The following ULK1 variants were observed in gnomAD, a reference collection of about 807,000 sequenced individuals.
The protein encoded by ULK1 is unc-51 like autophagy activating kinase 1.
ULK1 carries 48 observed loss-of-function variants against 117.5 expected under a neutral mutation model. That is an observed-to-expected ratio of 0.41 (90% CI 0.32 to 0.52). The LOEUF (loss-of-function observed/expected upper bound fraction) is 0.52, where lower values mean the gene tolerates loss of function less well. ULK1 is among the 20% of genes least tolerant of loss of function. The probability of loss-of-function intolerance (pLI) is 0.29; values close to 1 mark genes in which losing one functional copy is unlikely to be tolerated. For synonymous variants in ULK1, 790 were observed against 637.8 expected, an observed-to-expected ratio of 1.24 and a Z score of -3.60; for missense variants, 1,387 against 1,473.4, an observed-to-expected ratio of 0.94 and a Z score of 0.96.
chr12:131,917,844 T>C (rs1889932777), intron 22 of ULK1, among the ~76,000 whole-genome samples: 1 of 152,206 alleles, frequency 6.6e-6, no homozygotes, highest in African/African-American at 2.4e-5. Flanking sequence ...GGTGTCTGGA[T>C]CATGGCCTCC....
intron 3 of ULK1, chr12:131,897,873 TG>T (rs2136376819): frequency 6.6e-6 from 1 of 152,408 alleles, no homozygotes; most frequent in South Asian, 2.1e-4. Flanking sequence ...CGTTCCAGCC[TG>T]GGCAGCAGAG....
intron 3 of ULK1, among the ~76,000 whole-genome samples, chr12:131,901,195 C>G (rs1338069260): frequency 2.0e-5 from 3 of 151,886 alleles, no homozygotes; most frequent in Non-Finnish European, 4.4e-5. Context: ...CCCATCTCTA[C>G]TAAAAGTACA....
chr12:131,912,875 C>T (rs1889601536), intron 13 of ULK1, among the ~76,000 whole-genome samples: 1 of 152,212 alleles, frequency 6.6e-6, no homozygotes, highest in African/African-American at 2.4e-5. Flanking sequence ...TGCCTGACCT[C>T]CCCCGCCCAT....
At chr12:131,901,490 C>G (rs1040194168) in intron 3 of ULK1, among the ~76,000 whole-genome samples, 2 of 152,228 alleles carry the variant, frequency 1.3e-5, no homozygotes, top group Admixed American at 1.3e-4. Flanking sequence ...CCGGGCCGCT[C>G]TCCTCCCTCC....
chr12:131,907,677 C>G, intron 5 of ULK1, 146 bp downstream of exon 5: 3 of 1,026,604 alleles, frequency 2.9e-6, no homozygotes, highest in Non-Finnish European at 4.1e-6. Context: ...CCCCCTGGGC[C>G]TCTTGAGGGG....
At chr12:131,912,964 T>C (rs7299028) in intron 13 of ULK1, among the ~76,000 whole-genome samples, 147,864 of 152,294 alleles carry the variant, frequency 0.97, 71,894 homozygotes, top group Non-Finnish European at 0.99. Flanking sequence ...AGAGTCCAAG[T>C]GGGGATAAGC....
rs373620137 is a variant in ULK1 at position 131,909,948 on chromosome 12, G to A, written c.755G>A (p.Arg252Gln). Residue 252 changes from arginine to glutamine, a missense_variant, in exon 10 of 28, where the codon CGG becomes CAG. By Grantham distance (43) the Arg-to-Gln change is conservative. Around this residue, in one of 4 missense-constraint regions of ULK1, gnomAD observed 260 missense variants for 271.6 expected, o/e 0.96. Transcript: ENST00000321867. ...TIPRETSAPL[R>Q]QLLLALLQRN... is the part of the protein sequence containing the mutation. ...CCCCGGGAGACCTCGGCCCCGCTGC[G>A]GCAGCTGCTCCTGGCCCTACTGCAA... 30 of 1,611,906 alleles carry A rather than the reference G, an allele frequency of 1.9e-5. No homozygotes were observed. Among genetic ancestry groups the A allele is most frequent in the Middle Eastern group, 1.6e-4 (1 of 6,082 alleles).
rs754938334 is a variant in ULK1, at chr12:131,920,072, G to T, written c.2897G>T (p.Arg966Leu). The T allele has an allele frequency of 1.2e-6, 2 of 1,612,820 alleles. No homozygotes were observed. Among genetic ancestry groups the T allele is most frequent in the South Asian group, 1.1e-5 (1 of 91,080 alleles). Residue 966 changes from arginine (R) to leucine (L), a missense_variant, in exon 26 of 28, where the codon CGG (arginine) becomes CTG (leucine). Arg to Leu is a moderately radical substitution (Grantham distance 102). Coordinates refer to ENST00000321867, the MANE Select transcript of ULK1 (RefSeq NM_003565.4). ...RLQRFFLDKQ[R>L]LLDRIHSITA... ...CAGCGCTTCTTCCTGGACAAGCAGC[G>T]GCTCCTGGACCGCATTCACAGCATC...
At position 131,915,384 on chromosome 12, in the gene ULK1, G is replaced by A. The variant is rs1424599512; in HGVS notation, c.1572G>A (p.Gln524=). ...RPGWSGTPSP[Q]GAEMRGGRSP... ...GCTGGAGCGGGACGCCCTCCCCACA[G>A]GGAGCTGAGATGCGGGGTGGCAGGT... Residue 524 remains glutamine (Q), a synonymous_variant, in exon 18 of 28, where the codon CAG becomes CAA. Coordinates refer to ENST00000321867, the MANE Select transcript of ULK1 (RefSeq NM_003565.4). 1 of 1,612,794 alleles carries A rather than the reference G, an allele frequency of 6.2e-7. No homozygotes were observed. The highest frequency in any genetic ancestry group is 8.5e-7 in the Non-Finnish European group (1 of 1,179,978).
intron 27 of ULK1, 24 bp downstream of exon 27, chr12:131,921,259 G>A (rs760369041): frequency 1.2e-6 from 2 of 1,608,082 alleles, no homozygotes; most frequent in South Asian, 2.2e-5. Flanking sequence ...TGGGCTGGGG[G>A]CTGGGGACTC....
In ULK1 at chr12:131,902,593, G is replaced by A. The variant is rs1215995716; in HGVS notation, c.247-4299G>A. 1.3e-5 allele frequency among the ~76,000 whole-genome samples: 2 copies of A among 152,192 alleles called. No individual in the cohort carries two copies. The highest frequency in any genetic ancestry group is 4.8e-5 in the African/African-American group (2 of 41,428). On this transcript the variant is annotated intron_variant, in intron 3 of 27. Transcript: ENST00000321867. This position sits in a 1 kb window ranked among gnomAD's most constrained non-coding sequence, Gnocchi z 6.3. ...GAAGTGTTCTGAGCCTCAGATGCATGTGTTGGGACTTTTCAGGGACAGCCC... is the reference window on the plus strand; with the variant it reads ...GAAGTGTTCTGAGCCTCAGATGCATATGTTGGGACTTTTCAGGGACAGCCC...
rs1889684888 is a variant in ULK1 at position 131,914,468 on chromosome 12, A to G, written c.1364A>G (p.Gln455Arg). The G allele has an allele frequency of 9.3e-6, 15 of 1,612,320 alleles. No homozygotes were observed. The highest frequency in any genetic ancestry group is 3.3e-5 in the Admixed American group (2 of 59,982). The change falls in exon 16 of 28, where the codon CAA (glutamine) becomes CGA (arginine). Residue 455 changes from glutamine to arginine, a missense_variant. Transcript: ENST00000321867. The stretch of plus-strand genomic sequence containing the variant: ...AACCTGCAGTCACCCACCCAGTTCC[A>G]AACACCTCGGTGAGTGTGGAGCCCC... ...ERNLQSPTQF[Q>R]TPRSSAIRRS... is the part of the protein sequence containing the mutation.
chr12:131,921,268 TC>T (rs754092899), intron 27 of ULK1, 33 bp downstream of exon 27: 3 of 1,608,046 alleles, frequency 1.9e-6, no homozygotes, highest in African/African-American at 2.7e-5. Context: ...GGCTGGGGAC[TC>T]TGGGCGTCTC....
At position 131,907,529 on chromosome 12, in the gene ULK1, A is replaced by G; in HGVS notation, c.314A>G (p.His105Arg). Residue 105 changes from histidine to arginine, a missense_variant and splice_region_variant, in exon 5 of 28, where the codon CAC becomes CGC. Around this residue, in one of 4 missense-constraint regions of ULK1, gnomAD observed 224 missense variants for 325.2 expected, o/e 0.69. Coordinates refer to ENST00000321867, the MANE Select transcript of ULK1 (RefSeq NM_003565.4). The part of the protein sequence containing the change: ...CNGGDLADYL[H>R]AMRTLSEDTI... ...GGTGGGGACCTGGCCGACTACCTGC[A>G]CGGTGAGTGCACAGCTGCGCCACCT... 6.2e-7 allele frequency: 1 copy of G among 1,611,872 alleles called. No individual in the cohort carries two copies. Among genetic ancestry groups the G allele is most frequent in the South Asian group, 1.1e-5 (1 of 90,912 alleles).
chr12:131,922,156 A>AT lies in ULK1; in HGVS notation c.*800dup. 2.7e-6 allele frequency: 1 copy of AT among 371,496 alleles called. No homozygotes were observed. The highest frequency in any genetic ancestry group is 5.4e-6 in the Non-Finnish European group (1 of 185,584). 23.0% of individuals were successfully genotyped at this position (371,496 alleles called of 1,614,324 possible). A position where few individuals can be genotyped will look rare whatever the true frequency, so the allele number is the denominator to read the frequency against. ...ACACTTTATTCCTAAAACGTGTCTT[A>AT]TTTTTATGCAGCTCATTTTTTCTTT... On this transcript the variant is annotated 3_prime_UTR_variant, in exon 28 of 28. Transcript: ENST00000321867.
chr12:131,921,405 G>A lies in ULK1; in HGVS notation c.*44G>A. 5.6e-6 allele frequency: 9 copies of A among 1,598,978 alleles called. No homozygotes were observed. The highest frequency in any genetic ancestry group is 6.8e-6 in the Non-Finnish European group (8 of 1,179,418). Reference sequence around the variant, plus strand: ...GCCCCCCGTCCTGCCGAGCCCTGCAGAGTGGGCTCTGTGTGCTGGCTGGAC... The same window carrying A: ...GCCCCCCGTCCTGCCGAGCCCTGCAAAGTGGGCTCTGTGTGCTGGCTGGAC... On this transcript the variant is annotated 3_prime_UTR_variant, in exon 28 of 28. Transcript: ENST00000321867.
In ULK1 at chr12:131,907,407, C is replaced by T. The variant is rs1456780652; in HGVS notation, c.280-88C>T. On this transcript the variant is annotated intron_variant, in intron 4 of 27. Coordinates refer to ENST00000321867, the MANE Select transcript of ULK1 (RefSeq NM_003565.4). ...TGCCTGCGGGCTCAGGGAGTAGTGT[C>T]CAAGTGTGAGGGGTGGGGAGGCTGG... The T allele has an allele frequency of 2.2e-5, 34 of 1,544,092 alleles. No individual in the cohort carries two copies. The Middle Eastern group carries it at 6.9e-4, about 32-fold the overall frequency.
Position 131,918,597 on chromosome 12 carries a change from C to T in ULK1, c.2427C>T (p.Cys809=). The change falls in exon 23 of 28, where the codon TGC becomes TGT. Residue 809 remains cysteine, a synonymous_variant. Transcript: ENST00000321867. The part of the protein sequence containing the change: ...APELPAPGHG[C]SFADPITANL... ...AGCTCCCTGCTCCAGGACACGGCTG[C>T]AGCTTTGCCGACCCCATTACTGCGA... 6.2e-7 allele frequency: 1 copy of T among 1,610,810 alleles called. No homozygotes were observed. Among genetic ancestry groups the T allele is most frequent in the South Asian group, 1.1e-5 (1 of 90,830 alleles).
intron 12 of ULK1, among the ~76,000 whole-genome samples, chr12:131,911,632 GT>G (rs1243876219): frequency 1.3e-5 from 2 of 152,204 alleles, no homozygotes; most frequent in Admixed American, 1.3e-4. Context: ...CAGAGGGCAG[GT>G]GGTGAACAAC....
Sources: gnomAD v4.1 joint callset for allele counts (sites outside exome capture counted in the v4.1 genomes callset) on GRCh38, gnomAD v4.1.1 for gene constraint, gnomAD v4.1.1 regional missense constraint, Gnocchi (gnomAD v3.1) non-coding constraint, MANE v1.5 for transcripts, NCBI Gene and HGNC (gene_info 2026-07-23, HGNC 2026-07-21) for gene names.